BRME1: variants seen among roughly 807,000 people sequenced by gnomAD.
BRME1 encodes the protein BRCA2 and MEILB2-associating protein 1.
BRME1 carries 31 observed loss-of-function variants against 52.6 expected under a neutral mutation model. The observed-to-expected ratio is 0.59, with a 90% CI of 0.44 to 0.80. The LOEUF is 0.80. Among genes scored for constraint, BRME1 ranks in the 30% least tolerant of loss-of-function variants. The probability of loss-of-function intolerance (pLI) is 0.00; values close to 1 mark genes in which losing one functional copy is unlikely to be tolerated. For missense variants in BRME1, 804 were observed against 860.3 expected, an observed-to-expected ratio of 0.93 and a Z score of 0.82; for synonymous variants, 359 against 353.6, an observed-to-expected ratio of 1.02 and a Z score of -0.17.
chr19:13,895,492 TA>T lies in BRME1; in HGVS notation c.85del (p.Tyr29MetfsTer85). 1.2e-6 allele frequency: 2 copies of T among 1,614,046 alleles called. No individual in the cohort carries two copies. The highest frequency in any genetic ancestry group is 2.2e-5 in the South Asian group (2 of 91,070). On this transcript the variant is annotated frameshift_variant, in exon 3 of 9. Transcript: ENST00000586783. LOFTEE classifies it high-confidence loss of function. ...PLKNPRLGDF[Y>X]GDPQSSMLGC... ...CAACATGGAACTCTGGGGGTCCCCA[TA>T]GAAGTCTCCTAGCCTTGGGTTCTTT...
chr19:13,889,521 AC>A lies in BRME1; in HGVS notation c.1334del (p.Cys445LeufsTer17). 6.2e-7 allele frequency: 1 copy of A among 1,613,886 alleles called. No individual in the cohort carries two copies. The highest frequency in any genetic ancestry group is 8.5e-7 in the Non-Finnish European group (1 of 1,180,028). ...SGHASPDTGP[C>X]VNQKQEPGPA... Reference sequence around the variant, plus strand: ...GACCTGGCTCCTGCTTCTGATTGACACATGGACCTGTGTCCGGGGATGCATG... The same window carrying A: ...GACCTGGCTCCTGCTTCTGATTGACAATGGACCTGTGTCCGGGGATGCATG... On this transcript the variant is annotated frameshift_variant, in exon 6 of 9. Transcript: ENST00000586783. LOFTEE classifies it high-confidence loss of function.
At position 13,889,373 on chromosome 19, in the gene BRME1, C is replaced by T. The variant is rs764590026; in HGVS notation, c.1483G>A (p.Glu495Lys). The stretch of plus-strand genomic sequence containing the variant: ...GGAATGCCCTGCTGAGCCCCGGGCT[C>T]CTGGAGAGGGTCGTCTGCTATTTCT... ...HREIADDPLQ[E>K]PGAQQGIPDT... Residue 495 changes from glutamate to lysine, a missense_variant, in exon 6 of 9, where the codon GAG becomes AAG. Coordinates refer to ENST00000586783, the MANE Select transcript of BRME1 (RefSeq NM_001345843.2). 1.3e-5 allele frequency: 21 copies of T among 1,613,978 alleles called. No homozygotes were observed. The South Asian group carries it at 2.3e-4, about 18-fold the overall frequency.
In BRME1 at chr19:13,883,379, G is replaced by T; in HGVS notation, c.1785C>A (p.Ala595=). The T allele has an allele frequency of 6.5e-7, 1 of 1,534,856 alleles. No individual in the cohort carries two copies. The highest frequency in any genetic ancestry group is 8.7e-7 in the Non-Finnish European group (1 of 1,145,872). ...CATCCTCCATCCTGGAGGCCTCAGA[G>T]GCCTGGATCCCCACGAAGGTCCTGG... ...AQPRTFVGIQ[A]SEASRMEDAT... The change falls in exon 8 of 9, where the codon GCC becomes GCA. Residue 595 remains alanine (A), a synonymous_variant. Transcript: ENST00000586783. This position sits in a 1 kb window ranked among gnomAD's most constrained non-coding sequence, Gnocchi z 4.2.
chr19:13,902,728 T>C (rs978611206), intron 2 of BRME1, among the ~76,000 whole-genome samples: 3 of 151,224 alleles, frequency 2.0e-5, no homozygotes, highest in Non-Finnish European at 2.9e-5. Flanking sequence ...GGTTGGGAGT[T>C]CAAGACCAGC....
rs559619509 is a variant in BRME1, at chr19:13,882,763, G to C, written c.*39C>G. ...ATCTTGGAGGAGGTCTGCGGACATG[G>C]GGGCTGGGTGGCAAAGGAAACACAG... On this transcript the variant is annotated 3_prime_UTR_variant, in exon 9 of 9. Transcript: ENST00000586783. The C allele has an allele frequency of 2.5e-6, 4 of 1,611,490 alleles. No individual in the cohort carries two copies. Among genetic ancestry groups the C allele is most frequent in the East Asian group, 4.5e-5 (2 of 44,870 alleles).
rs1021587608 is a variant in BRME1, at chr19:13,883,347, T to G, written c.1817A>C (p.Asn606Thr). ...CTCAACGATGAGGCCACGCACGACG[T>G]TGGTGGCATCCTCCATCCTGGAGGC... ...SEASRMEDAT[N>T]VVRGLIVELS... is the part of the protein sequence containing the mutation. Residue 606 changes from asparagine (N) to threonine (T), a missense_variant, in exon 8 of 9, where the codon AAC becomes ACC. Asn to Thr is a moderately conservative substitution (Grantham distance 65, BLOSUM62 0). Coordinates refer to ENST00000586783, the MANE Select transcript of BRME1 (RefSeq NM_001345843.2). This position sits in a 1 kb window ranked among gnomAD's most constrained non-coding sequence, Gnocchi z 4.2. 1 of 1,535,338 alleles carries G rather than the reference T, an allele frequency of 6.5e-7. No homozygotes were observed. The highest frequency in any genetic ancestry group is 8.7e-7 in the Non-Finnish European group (1 of 1,146,302).
intron 5 of BRME1, 74 bp downstream of exon 5, chr19:13,892,711 TA>T: frequency 1.6e-6 from 2 of 1,243,614 alleles, no homozygotes; most frequent in Non-Finnish European, 2.3e-6. Context: ...ACTCCAGGGT[TA>T]AATGGGGCTG....
rs560110226 is a variant in BRME1, at chr19:13,895,101, ACTCGTGAC to A, written c.206+263_206+270del. ...GCAGTGTTGGCCAGTCTTGTCTCAAACTCGTGACCTCAAGTGATCTTCCCCCCTCGGCC... is the reference window on the plus strand; with the variant it reads ...GCAGTGTTGGCCAGTCTTGTCTCAAACTCAAGTGATCTTCCCCCCTCGGCC... On this transcript the variant is annotated intron_variant, in intron 3 of 8. Coordinates refer to ENST00000586783, the MANE Select transcript of BRME1 (RefSeq NM_001345843.2). Among the ~76,000 whole-genome samples the A allele has an allele frequency of 4.7e-4, 72 of 151,878 alleles. 1 individual carries two copies. The South Asian group carries it at 0.015, about 31-fold the overall frequency.
intron 7 of BRME1, chr19:13,884,907 A>G (rs752287930): frequency 6.6e-6 from 1 of 152,420 alleles, no homozygotes; most frequent in African/African-American, 2.4e-5. Flanking sequence ...CAAGCCACCA[A>G]ACCAGACCCG....
At position 13,895,436 on chromosome 19, in the gene BRME1, C is replaced by A; in HGVS notation, c.142G>T (p.Gly48Cys). ...GTAGAGGGAACAGGTCCCAATTTGC[C>A]CTCTGGCTCCTCAGGGTGATGTAAA... ...GCLHHPEEPE[G>C]KLGPVPSTQQ... Residue 48 changes from glycine to cysteine, a missense_variant, in exon 3 of 9, where the codon GGC (glycine) becomes TGC (cysteine). By Grantham distance (159) the Gly-to-Cys change is radical (BLOSUM62 -3). Around this residue, in one of 3 missense-constraint regions of BRME1, gnomAD observed 234 missense variants for 258.1 expected, o/e 0.91. Transcript: ENST00000586783. 1 of 1,614,122 alleles carries A rather than the reference C, an allele frequency of 6.2e-7. No homozygotes were observed. Among genetic ancestry groups the A allele is most frequent in the Non-Finnish European group, 8.5e-7 (1 of 1,180,018 alleles).
chr19:13,904,976 C>G, intron 1 of BRME1, 63 bp from the exon 2 acceptor site: 1 of 1,425,882 alleles, frequency 7.0e-7, no homozygotes, highest in Non-Finnish European at 9.9e-7. Flanking sequence ...TATCCAGTGG[C>G]TTTGGCTGAG....
At position 13,890,211 on chromosome 19, in the gene BRME1, T is replaced by C; in HGVS notation, c.645A>G (p.Gln215=). Residue 215 remains glutamine (Q), a synonymous_variant, in exon 6 of 9, where the codon CAA becomes CAG. Coordinates refer to ENST00000586783, the MANE Select transcript of BRME1 (RefSeq NM_001345843.2). ...TCTCAGGCTTGCTGTCATCGGCCCC[T>C]TGTTCTGACAGGTGGTCTTGGCTGG... The part of the protein sequence containing the change: ...QRASQDHLSE[Q]GADDSKPETD... 2 of 1,614,190 alleles carry C rather than the reference T, an allele frequency of 1.2e-6. No homozygotes were observed. The highest frequency in any genetic ancestry group is 1.7e-6 in the Non-Finnish European group (2 of 1,180,024).
intron 2 of BRME1, among the ~76,000 whole-genome samples, chr19:13,904,618 T>C (rs2145253751): frequency 6.6e-6 from 1 of 151,096 alleles, no homozygotes; most frequent in East Asian, 2.0e-4. Context: ...ATTTTTGTAT[T>C]TTTAGTAGAG....
chr19:13,902,244 C>G (rs767580605), intron 2 of BRME1, among the ~76,000 whole-genome samples: 56 of 151,778 alleles, frequency 3.7e-4, no homozygotes, highest in Non-Finnish European at 6.2e-4. Context: ...GAGGCTGATG[C>G]AAGAGAATCG....
chr19:13,889,516 T>A lies in BRME1; in HGVS notation c.1340A>T (p.Asn447Ile). 6.2e-7 allele frequency: 1 copy of A among 1,613,924 alleles called. No individual in the cohort carries two copies. The highest frequency in any genetic ancestry group is 8.5e-7 in the Non-Finnish European group (1 of 1,180,028). ...HASPDTGPCV[N>I]QKQEPGPAQE... is the part of the protein sequence containing the mutation. ...AGCAGGACCTGGCTCCTGCTTCTGATTGACACATGGACCTGTGTCCGGGGA... is the reference window on the plus strand; with the variant it reads ...AGCAGGACCTGGCTCCTGCTTCTGAATGACACATGGACCTGTGTCCGGGGA... The change falls in exon 6 of 9, where the codon AAT becomes ATT. Residue 447 changes from asparagine to isoleucine, a missense_variant. Around this residue, in one of 3 missense-constraint regions of BRME1, gnomAD observed 552 missense variants for 561.1 expected, o/e 0.98. Transcript: ENST00000586783.
chr19:13,883,850 T>G lies in BRME1; in HGVS notation c.1764-450A>C, dbSNP rs1160212704. 6.9e-6 allele frequency among the ~76,000 whole-genome samples: 1 copy of G among 145,836 alleles called. No individual in the cohort carries two copies. The highest frequency in any genetic ancestry group is 2.0e-4 in the East Asian group (1 of 5,108). ...GAGCACCTCTCAGGATTCTGGAATG[T>G]TCTTTCCCAAATGTCTCCTCCTGGT... On this transcript the variant is annotated intron_variant, in intron 7 of 8. Transcript: ENST00000586783. This position sits in a 1 kb window ranked among gnomAD's most constrained non-coding sequence, Gnocchi z 4.2.
chr19:13,891,830 T>G (rs1969527795), intron 5 of BRME1, among the ~76,000 whole-genome samples: 1 of 150,952 alleles, frequency 6.6e-6, no homozygotes, highest in Non-Finnish European at 1.5e-5. Context: ...CCCAGCACTT[T>G]GAGAGGCCGA....
chr19:13,895,273 G>T, intron 3 of BRME1, 99 bp downstream of exon 3: 1 of 1,310,842 alleles, frequency 7.6e-7, no homozygotes. Flanking sequence ...GCACTAGATA[G>T]GTTGTGGGTC....
intron 6 of BRME1, among the ~76,000 whole-genome samples, chr19:13,887,252 T>C (rs917400321): frequency 1.3e-5 from 2 of 152,234 alleles, no homozygotes; most frequent in African/African-American, 2.4e-5. Flanking sequence ...TCGGCCTTCC[T>C]GCCGGGAGCC....
Sources: allele counts gnomAD v4.1 joint callset (sites outside exome capture counted in the v4.1 genomes callset), GRCh38; gene constraint gnomAD v4.1.1; regional missense constraint gnomAD v4.1.1; non-coding constraint Gnocchi (gnomAD v3.1); transcripts MANE v1.5; gene names NCBI Gene and HGNC (gene_info 2026-07-23, HGNC 2026-07-21).